SAXO5: variants seen among roughly 807,000 people sequenced by gnomAD.
SAXO5 encodes the protein stabilizer of axonemal microtubules 5.
At chr19:7,506,548 C>T in the SAXO5 span, 1 of 364,486 alleles carries the variant, frequency 2.7e-6, no homozygotes, top group Non-Finnish European at 5.2e-6. Context: ...ACTCTGGCTC[C>T]GCCCCTGACC....
the SAXO5 span, chr19:7,504,371 C>T: frequency 1.2e-6 from 2 of 1,614,160 alleles, no homozygotes; most frequent in Non-Finnish European, 1.7e-6. Context: ...GTGTTCGGAG[C>T]AGAAACAGGC....
the SAXO5 span, chr19:7,505,544 C>T: frequency 4.3e-6 from 7 of 1,614,218 alleles, no homozygotes; most frequent in South Asian, 6.6e-5. Flanking sequence ...CACGATCAGA[C>T]TCCGGAGTCG....
the SAXO5 span, among the ~76,000 whole-genome samples, chr19:7,498,154 AACACACACACACACATACAC>A: frequency 1.5e-5 from 2 of 133,562 alleles, no homozygotes; most frequent in African/African-American, 6.0e-5. Flanking sequence ...GTTTCATTAA[AACACACACACACACATACAC>A]ACACACACAC....
the SAXO5 span, chr19:7,508,102 T>C: frequency 7.7e-6 from 7 of 908,958 alleles, no homozygotes; most frequent in Non-Finnish European, 1.0e-5. Context: ...CTGCCCTGCC[T>C]GGCCCCGCCC....
the SAXO5 span, chr19:7,508,114 C>A: frequency 9.2e-7 from 1 of 1,085,066 alleles, no homozygotes; most frequent in Non-Finnish European, 1.4e-6. Context: ...GCCCCGCCCC[C>A]TGACTCATCA....
the SAXO5 span, chr19:7,506,199 C>CCCCGCCCCATGGAGT: frequency 6.7e-7 from 1 of 1,489,738 alleles, no homozygotes; most frequent in African/African-American, 1.5e-5. Flanking sequence ...CCCCATGGAG[C>CCCCGCCCCATGGAGT]CCCGCCCCGG....
chr19:7,498,154 A>AACACAC, the SAXO5 span, among the ~76,000 whole-genome samples: 5 of 133,560 alleles, frequency 3.7e-5, no homozygotes, highest in African/African-American at 9.0e-5. Context: ...GTTTCATTAA[A>AACACAC]ACACACACAC....
chr19:7,507,777 C>T, the SAXO5 span, among the ~76,000 whole-genome samples: 3 of 152,074 alleles, frequency 2.0e-5, no homozygotes, highest in African/African-American at 2.4e-5. Flanking sequence ...TTATCCAGCT[C>T]CTCATTCAGC....
the SAXO5 span, chr19:7,504,069 A>G: frequency 2.2e-6 from 2 of 917,352 alleles, no homozygotes; most frequent in Admixed American, 4.8e-5. Flanking sequence ...TTGAGATGGC[A>G]GGGAATCTCA....
chr19:7,505,548 G>C, the SAXO5 span: 1 of 1,614,190 alleles, frequency 6.2e-7, no homozygotes, highest in Admixed American at 1.7e-5. Context: ...ATCAGACTCC[G>C]GAGTCGCACA....
chr19:7,507,163 C>T, the SAXO5 span: 3 of 1,600,394 alleles, frequency 1.9e-6, no homozygotes. Flanking sequence ...GGAGGGGAGC[C>T]ACCCATCATT....
At chr19:7,503,194 C>G in the SAXO5 span, among the ~76,000 whole-genome samples, 1 of 152,096 alleles carries the variant, frequency 6.6e-6, no homozygotes, top group Non-Finnish European at 1.5e-5. Flanking sequence ...GAAACCACAT[C>G]TCTACTAAAA....
the SAXO5 span, chr19:7,507,255 C>T: frequency 1.9e-5 from 17 of 906,742 alleles, no homozygotes; most frequent in African/African-American, 9.8e-5. Flanking sequence ...CACCCAGGCT[C>T]GGGGGCATCT....
the SAXO5 span, chr19:7,507,014 G>A: frequency 1.9e-6 from 3 of 1,541,356 alleles, no homozygotes; most frequent in East Asian, 2.2e-5. Flanking sequence ...GCCCCGCCTC[G>A]GCCCACAGCC....
the SAXO5 span, chr19:7,505,303 G>A: frequency 1.2e-6 from 2 of 1,608,200 alleles, no homozygotes; most frequent in African/African-American, 2.7e-5. Context: ...TATTCTTGAT[G>A]GAATAATACA....
chr19:7,507,958 C>G, the SAXO5 span, among the ~76,000 whole-genome samples: 4 of 152,320 alleles, frequency 2.6e-5, no homozygotes, highest in Middle Eastern at 0.01. Flanking sequence ...GACAATCCCG[C>G]CCCTTCGTGG....
the SAXO5 span, chr19:7,497,799 A>G: frequency 6.6e-6 from 1 of 152,094 alleles, no homozygotes; most frequent in Non-Finnish European, 1.5e-5. Context: ...TTCTCTGATG[A>G]CCCATTTTGG....
At chr19:7,507,093 G>A in the SAXO5 span, 1 of 1,614,078 alleles carries the variant, frequency 6.2e-7, no homozygotes, top group African/African-American at 1.3e-5. Context: ...AGATGCTGAA[G>A]CCACACAGAA....
At chr19:7,497,966 C>T in the SAXO5 span, among the ~76,000 whole-genome samples, 2 of 152,066 alleles carry the variant, frequency 1.3e-5, no homozygotes, top group African/African-American at 2.4e-5. Context: ...GGCTGGCCAA[C>T]ATGGCGAAAC....
Sources: gnomAD v4.1 joint callset for allele counts (sites outside exome capture counted in the v4.1 genomes callset) on GRCh38, gnomAD v4.1.1 for gene constraint, MANE v1.5 for transcripts, NCBI Gene and HGNC (gene_info 2026-07-23, HGNC 2026-07-21) for gene names.